CNTNAP2: variants seen among roughly 807,000 people sequenced by gnomAD.
CNTNAP2 encodes contactin-associated protein-like 2.
CNTNAP2 carries 98 observed loss-of-function variants against 155.2 expected under a neutral mutation model. The ratio of observed to expected loss-of-function variants is 0.63; its 90% CI spans 0.54 to 0.75. The LOEUF (loss-of-function observed/expected upper bound fraction) is 0.75, where lower values mean the gene tolerates loss of function less well. CNTNAP2 is among the 30% of genes least tolerant of loss of function. The pLI is 0.00. For missense variants in CNTNAP2, 1,727 were observed against 1,688.1 expected (o/e 1.02, Z -0.40); for synonymous variants, 651 against 631.2 (o/e 1.03, Z -0.47).
intron 4 of CNTNAP2, among the ~76,000 whole-genome samples, chr7:147,105,929 T>A (rs1356160260): frequency 6.6e-6 from 1 of 152,010 alleles, no homozygotes; most frequent in East Asian, 1.9e-4. Flanking sequence ...ATCTTAGGAT[T>A]GTCTGAAAAA....
intron 1 of CNTNAP2, among the ~76,000 whole-genome samples, chr7:146,598,762 C>T (rs931678886): frequency 6.6e-6 from 1 of 151,992 alleles, no homozygotes; most frequent in Non-Finnish European, 1.5e-5. Flanking sequence ...GGTGATCTCA[C>T]TCAGCATCAT....
intron 1 of CNTNAP2, among the ~76,000 whole-genome samples, chr7:146,611,475 GA>G (rs967790866): frequency 6.6e-6 from 1 of 152,008 alleles, no homozygotes; most frequent in Non-Finnish European, 1.5e-5. Flanking sequence ...TGCTGTAGAA[GA>G]AAAAAATACA....
In CNTNAP2 at chr7:147,514,138, C is replaced by G. The variant is rs143384638; in HGVS notation, c.1777+28097C>G. Among the ~76,000 whole-genome samples the G allele has an allele frequency of 3.6e-3, 553 of 152,266 alleles. 4 individuals are homozygous for G. Among genetic ancestry groups the G allele is most frequent in the African/African-American group, 0.013 (529 of 41,536 alleles). On this transcript the variant is annotated intron_variant, in intron 11 of 23. Transcript: ENST00000361727. ...AAAAAATTAGAAAAAAATACAATGACAGTAGGCTTTGCTACTATATCCCCA... is the reference window on the plus strand; with the variant it reads ...AAAAAATTAGAAAAAAATACAATGAGAGTAGGCTTTGCTACTATATCCCCA...
At chr7:147,817,777 C>T (rs769805488) in intron 13 of CNTNAP2, among the ~76,000 whole-genome samples, 10 of 151,576 alleles carry the variant, frequency 6.6e-5, no homozygotes, top group South Asian at 2.1e-4. Flanking sequence ...TGATGGTGGG[C>T]GCCTGTAGTC....
chr7:147,079,581 A>G (rs1800074112), intron 4 of CNTNAP2, among the ~76,000 whole-genome samples: 1 of 150,482 alleles, frequency 6.6e-6, no homozygotes. Flanking sequence ...GTACCCTAAA[A>G]CTTAAAGTAT....
At chr7:146,839,392 G>C (rs1803676664) in intron 2 of CNTNAP2, among the ~76,000 whole-genome samples, 1 of 152,118 alleles carries the variant, frequency 6.6e-6, no homozygotes, top group Admixed American at 6.5e-5. Context: ...TTTAGCTGAA[G>C]AGTTTATGGT....
chr7:147,965,530 T>C (rs1157211623), intron 14 of CNTNAP2, among the ~76,000 whole-genome samples: 1 of 151,940 alleles, frequency 6.6e-6, no homozygotes, highest in Non-Finnish European at 1.5e-5. Context: ...ATCTCCATAT[T>C]GATATAGCTG....
intron 11 of CNTNAP2, among the ~76,000 whole-genome samples, chr7:147,556,450 G>A (rs1251729425): frequency 6.6e-6 from 1 of 152,116 alleles, no homozygotes; most frequent in Non-Finnish European, 1.5e-5. Context: ...GGGACTTTGT[G>A]CTTGTTAAGA....
intron 18 of CNTNAP2, among the ~76,000 whole-genome samples, chr7:148,199,818 T>C (rs1795338984): frequency 6.6e-6 from 1 of 152,194 alleles, no homozygotes; most frequent in South Asian, 2.1e-4. Context: ...CATGTTATTA[T>C]AGAGGCCAAG....
chr7:146,644,991 A>G (rs1237048977), intron 1 of CNTNAP2, among the ~76,000 whole-genome samples: 2 of 152,210 alleles, frequency 1.3e-5, no homozygotes, highest in Non-Finnish European at 2.9e-5. Flanking sequence ...TGAGGCCAGC[A>G]TCATCCTGAT....
At chr7:147,676,691 C>A (rs775863163) in intron 13 of CNTNAP2, among the ~76,000 whole-genome samples, 1 of 151,938 alleles carries the variant, frequency 6.6e-6, no homozygotes, top group Non-Finnish European at 1.5e-5. Context: ...CTGGTAACTA[C>A]CATTCTATTC....
chr7:148,412,220 G>A (rs1799857241), intron 23 of CNTNAP2, among the ~76,000 whole-genome samples: 1 of 152,222 alleles, frequency 6.6e-6, no homozygotes, highest in South Asian at 2.1e-4. Flanking sequence ...GATTACAGGT[G>A]TGAGCCATCG....
chr7:147,850,751 C>T (rs1354318053), intron 13 of CNTNAP2, among the ~76,000 whole-genome samples: 1 of 152,182 alleles, frequency 6.6e-6, no homozygotes, highest in African/African-American at 2.4e-5. Context: ...CCCTTCCTTA[C>T]ACCTTATACA....
chr7:147,395,742 C>T lies in CNTNAP2; in HGVS notation c.1632C>T (p.Phe544=), dbSNP rs778731812. ...YEVAQRKPGS[F]ANVSIDMCAI... Reference sequence around the variant, plus strand: ...TGGCACAAAGGAAGCCGGGAAGTTTCGCGAATGTCAGCATTGACATGTGTG... The same window carrying T: ...TGGCACAAAGGAAGCCGGGAAGTTTTGCGAATGTCAGCATTGACATGTGTG... The change falls in exon 10 of 24, where the codon TTC becomes TTT. Residue 544 remains phenylalanine (F), a synonymous_variant. Transcript: ENST00000361727. 2.6e-5 allele frequency: 42 copies of T among 1,612,292 alleles called. No individual in the cohort carries two copies. Among genetic ancestry groups the T allele is most frequent in the African/African-American group, 1.2e-4 (9 of 74,814 alleles).
chr7:147,708,381 G>A (rs942004280), intron 13 of CNTNAP2, among the ~76,000 whole-genome samples: 1 of 152,156 alleles, frequency 6.6e-6, no homozygotes, highest in Non-Finnish European at 1.5e-5. Context: ...TGCATTGGCT[G>A]CAGGTGAGGA....
At chr7:147,757,240 C>T (rs1189851048) in intron 13 of CNTNAP2, among the ~76,000 whole-genome samples, 1 of 152,178 alleles carries the variant, frequency 6.6e-6, no homozygotes, top group Admixed American at 6.5e-5. Context: ...TCTTCCACTC[C>T]TAACTCTTTG....
Position 147,882,815 on chromosome 7 carries a change from T to C in CNTNAP2, c.2099-20750T>C, listed in dbSNP as rs111671933. On this transcript the variant is annotated intron_variant, in intron 13 of 23. Transcript: ENST00000361727. ...ATCCAATAAGTGGATTTCCCAGAAA[T>C]GAAAGTGCATAGAACCTAGAAATCC... Among the ~76,000 whole-genome samples the C allele has an allele frequency of 7.3e-3, 1,105 of 152,158 alleles. 7 individuals are homozygous for C. Among genetic ancestry groups the C allele is most frequent in the Non-Finnish European group, 0.011 (732 of 67,998 alleles).
At chr7:146,328,361 A>T (rs1801129347) in intron 1 of CNTNAP2, among the ~76,000 whole-genome samples, 1 of 152,148 alleles carries the variant, frequency 6.6e-6, no homozygotes, top group Non-Finnish European at 1.5e-5. Context: ...TTCTATCAAA[A>T]TATCTTCTCC....
intron 3 of CNTNAP2, among the ~76,000 whole-genome samples, chr7:147,010,164 C>G (rs1798598919): frequency 6.6e-6 from 1 of 151,872 alleles, no homozygotes; most frequent in South Asian, 2.1e-4. Context: ...CATGCGCAAC[C>G]ACGCCAAGCT....
Sources: gnomAD v4.1 joint callset for allele counts (sites outside exome capture counted in the v4.1 genomes callset) on GRCh38, gnomAD v4.1.1 for gene constraint, MANE v1.5 for transcripts, NCBI Gene and HGNC (gene_info 2026-07-23, HGNC 2026-07-21) for gene names.